The following HOOK3 variants were observed in gnomAD, a reference collection of about 807,000 sequenced individuals.
The protein encoded by HOOK3 is hook microtubule tethering protein 3, also known as protein Hook homolog 3.
A neutral mutation model predicts 116.3 loss-of-function variants in HOOK3; 24 were observed. The observed-to-expected ratio is 0.21, with a 90% confidence interval of 0.15 to 0.29. The LOEUF is 0.29. Ranked by LOEUF, HOOK3 falls within the 10% of genes least tolerant of loss-of-function variation. The pLI is 1.00. For synonymous variants in HOOK3, 275 were observed against 283.0 expected (o/e 0.97, Z 0.28); for missense variants, 632 against 830.2 (o/e 0.76, Z 2.93).
chr8:43,012,599 ATTTACT>A (rs1397744269), intron 19 of HOOK3, among the ~76,000 whole-genome samples: 1 of 152,114 alleles, frequency 6.6e-6, no homozygotes, highest in Non-Finnish European at 1.5e-5. Context: ...TATTTCATAC[ATTTACT>A]TTTAATTTTT....
At chr8:42,974,323 C>G (rs1808779205) in intron 13 of HOOK3, 129 bp downstream of exon 13, 2 of 588,488 alleles carry the variant, frequency 3.4e-6, no homozygotes, top group African/African-American at 3.8e-5. Flanking sequence ...CTCCTGGAAC[C>G]TCTGCCTCCT....
At chr8:42,925,702 T>A in intron 3 of HOOK3, 73 bp downstream of exon 3, 1 of 993,256 alleles carries the variant, frequency 1.0e-6, no homozygotes, top group Non-Finnish European at 1.5e-6. Context: ...TTTTTTTGTC[T>A]GATGTGTCCA....
In HOOK3 at chr8:43,019,437, T is replaced by C. The variant is rs1809783599; in HGVS notation, c.*939T>C. 2 of 211,652 alleles carry C rather than the reference T, an allele frequency of 9.4e-6. No individual in the cohort carries two copies. The highest frequency in any genetic ancestry group is 4.5e-5 in the African/African-American group (2 of 44,210). 13.1% of individuals were successfully genotyped at this position (211,652 alleles called of 1,614,324 possible). A position where few individuals can be genotyped will look rare whatever the true frequency, so the allele number is the denominator to read the frequency against. On this transcript the variant is annotated 3_prime_UTR_variant, in exon 22 of 22. Transcript: ENST00000307602. ...TTGACTTATGCCCCATTTGTTTTAC[T>C]TGTTCTTTAATATAAACCCTTCCAT... is the stretch of plus-strand genomic sequence containing the variant.
At chr8:42,950,484 A>T in intron 6 of HOOK3, 29 bp downstream of exon 6, 3 of 1,499,508 alleles carry the variant, frequency 2.0e-6, no homozygotes, top group Non-Finnish European at 2.8e-6. Flanking sequence ...CTTATAGTTT[A>T]TGAAAAATTA....
intron 5 of HOOK3, 120 bp downstream of exon 5, chr8:42,943,565 G>T: frequency 5.2e-6 from 3 of 575,834 alleles, no homozygotes; most frequent in Non-Finnish European, 7.8e-6. Flanking sequence ...CACCCCCAAA[G>T]AATGCCATTT....
At chr8:42,902,922 T>C (rs1309177108) in intron 1 of HOOK3, among the ~76,000 whole-genome samples, 1 of 152,224 alleles carries the variant, frequency 6.6e-6, no homozygotes, top group Non-Finnish European at 1.5e-5. Context: ...TTTTTCCTTC[T>C]AAACAAACCT....
intron 13 of HOOK3, among the ~76,000 whole-genome samples, chr8:42,979,941 A>G (rs1224718592): frequency 6.7e-6 from 1 of 150,272 alleles, no homozygotes; most frequent in African/African-American, 2.4e-5. Context: ...TCTCTACATG[A>G]GTTTTGTTTT....
chr8:43,011,316 T>A (rs139905245), intron 19 of HOOK3, among the ~76,000 whole-genome samples: 39 of 152,228 alleles, frequency 2.6e-4, no homozygotes, highest in African/African-American at 8.4e-4. Context: ...TTCTTACAGA[T>A]GATAATGCTT....
Position 43,025,016 on chromosome 8 carries a change from C to G in HOOK3, c.*6518C>G, listed in dbSNP as rs1288289808. The stretch of plus-strand genomic sequence containing the variant: ...TGTATTATCTATATGACTATAGAAA[C>G]TTATAAAACATTTAATTCATGTTGA... On this transcript the variant is annotated 3_prime_UTR_variant, in exon 22 of 22. Transcript: ENST00000307602. 1 of 204,022 alleles carries G rather than the reference C, an allele frequency of 4.9e-6. No individual in the cohort carries two copies. Among genetic ancestry groups the G allele is most frequent in the Non-Finnish European group, 1.0e-5 (1 of 99,672 alleles). 12.6% of individuals were successfully genotyped at this position (204,022 alleles called of 1,614,324 possible). A position where few individuals can be genotyped will look rare whatever the true frequency, so the allele number is the denominator to read the frequency against.
intron 6 of HOOK3, among the ~76,000 whole-genome samples, chr8:42,955,792 C>T (rs1489436215): frequency 6.6e-6 from 1 of 152,130 alleles, no homozygotes; most frequent in African/African-American, 2.4e-5. Context: ...GATGGTTGTG[C>T]TCAGAGTAGG....
intron 21 of HOOK3, among the ~76,000 whole-genome samples, chr8:43,015,501 C>A (rs574270442): frequency 6.6e-6 from 1 of 152,008 alleles, no homozygotes; most frequent in Non-Finnish European, 1.5e-5. Context: ...CCAGCCTTGA[C>A]GACAGAGCGA....
At chr8:42,918,581 G>A (rs922332978) in intron 2 of HOOK3, among the ~76,000 whole-genome samples, 6 of 152,058 alleles carry the variant, frequency 3.9e-5, no homozygotes, top group East Asian at 1.9e-4. Flanking sequence ...GCCGCCTTCC[G>A]CAGTGTTTGT....
intron 2 of HOOK3, among the ~76,000 whole-genome samples, chr8:42,923,073 A>G (rs1433450939): frequency 2.0e-5 from 3 of 152,138 alleles, no homozygotes; most frequent in Admixed American, 2.0e-4. Flanking sequence ...TTTTTCCCAG[A>G]GAGGATATAC....
At chr8:43,002,075 G>T (rs981193771) in intron 16 of HOOK3, 32 bp from the exon 17 acceptor site, 1 of 1,348,092 alleles carries the variant, frequency 7.4e-7, no homozygotes, top group South Asian at 1.2e-5. Flanking sequence ...TAAAATGTGA[G>T]GTAATAAACT....
At chr8:42,924,618 T>G (rs62515916) in intron 2 of HOOK3, among the ~76,000 whole-genome samples, 7,220 of 152,132 alleles carry the variant, frequency 0.047, 229 homozygotes, top group South Asian at 0.086. Flanking sequence ...GGTGGTGGAG[T>G]TCATTGAAAT....
chr8:43,022,548 A>C lies in HOOK3; in HGVS notation c.*4050A>C, dbSNP rs1382832568. Reference sequence around the variant, plus strand: ...AAAGAACTAAAGAATATTAAAACCTAGCATTTATGTTCCACAGTGTGTATT... The same window carrying C: ...AAAGAACTAAAGAATATTAAAACCTCGCATTTATGTTCCACAGTGTGTATT... On this transcript the variant is annotated 3_prime_UTR_variant, in exon 22 of 22. Transcript: ENST00000307602. The C allele has an allele frequency of 5.3e-6, 1 of 189,266 alleles. No homozygotes were observed. Among genetic ancestry groups the C allele is most frequent in the Non-Finnish European group, 1.1e-5 (1 of 90,114 alleles). 11.7% of individuals were successfully genotyped at this position (189,266 alleles called of 1,614,324 possible).
At position 42,984,637 on chromosome 8, in the gene HOOK3, C is replaced by T. The variant is rs556609348; in HGVS notation, c.1391+1941C>T. Among the ~76,000 whole-genome samples the T allele has an allele frequency of 1.5e-4, 23 of 152,242 alleles. 1 individual carries two copies. The South Asian group carries it at 2.9e-3, about 19-fold the overall frequency. On this transcript the variant is annotated intron_variant, in intron 14 of 21. Coordinates refer to ENST00000307602, the MANE Select transcript of HOOK3 (RefSeq NM_032410.4). ...CAATGATAGGCCAGGTGTGGTGGCT[C>T]ACATCCAAAATGCCAGCGCTTCGGG...
At chr8:42,943,917 GTA>G (rs1186294797) in intron 5 of HOOK3, among the ~76,000 whole-genome samples, 2 of 152,134 alleles carry the variant, frequency 1.3e-5, no homozygotes, top group Admixed American at 6.6e-5. Flanking sequence ...AGAGGGAAGA[GTA>G]TCATTATATG....
At chr8:42,927,086 C>T (rs910257278) in intron 3 of HOOK3, among the ~76,000 whole-genome samples, 25 of 152,312 alleles carry the variant, frequency 1.6e-4, no homozygotes, top group African/African-American at 5.8e-4. Flanking sequence ...TGCGAGGCCC[C>T]TGAACTTAAG....
Sources: gnomAD v4.1 joint callset for allele counts (sites outside exome capture counted in the v4.1 genomes callset) on GRCh38, gnomAD v4.1.1 for gene constraint, MANE v1.5 for transcripts, NCBI Gene and HGNC (gene_info 2026-07-23, HGNC 2026-07-21) for gene names.